ANKRD45: variants seen among roughly 807,000 people sequenced by gnomAD.
ANKRD45 encodes the protein ankyrin repeat domain-containing protein 45.
A neutral mutation model predicts 28.1 loss-of-function variants in ANKRD45; 21 were observed. The observed-to-expected ratio is 0.75, with a 90% confidence interval of 0.53 to 1.08. The LOEUF (loss-of-function observed/expected upper bound fraction) is 1.08, where lower values mean the gene tolerates loss of function less well. Ranked by LOEUF, ANKRD45 falls within the 50% of genes least tolerant of loss-of-function variation. The probability of loss-of-function intolerance (pLI) is 0.00; values close to 1 mark genes in which losing one functional copy is unlikely to be tolerated. For missense variants in ANKRD45, 261 were observed against 308.7 expected (o/e 0.85, Z 1.16); for synonymous variants, 86 against 103.9 (o/e 0.83, Z 1.05).
chr1:173,649,415 G>C (rs1020004447), intron 2 of ANKRD45, among the ~76,000 whole-genome samples: 1 of 152,138 alleles, frequency 6.6e-6, no homozygotes, highest in African/African-American at 2.4e-5. Flanking sequence ...GATGAGTCAT[G>C]GTAGCCCATT....
intron 1 of ANKRD45, among the ~76,000 whole-genome samples, chr1:173,661,209 G>A (rs896460179): frequency 2.3e-4 from 35 of 152,144 alleles, no homozygotes; most frequent in African/African-American, 8.4e-4. Context: ...GAAGGGTAGT[G>A]GGAGAAGACA....
the ANKRD45 span, among the ~76,000 whole-genome samples, chr1:173,675,853 A>G: frequency 6.6e-6 from 1 of 152,314 alleles, no homozygotes; most frequent in South Asian, 2.1e-4. Context: ...TTTATTTTAC[A>G]TAGGCATTTA....
intron 4 of ANKRD45, among the ~76,000 whole-genome samples, 180 bp from the exon 5 acceptor site, chr1:173,625,105 AG>A (rs1667874362): frequency 6.6e-6 from 1 of 152,226 alleles, no homozygotes; most frequent in African/African-American, 2.4e-5. Context: ...AAATGTGGCT[AG>A]GGTGACTAAG....
intron 5 of ANKRD45, among the ~76,000 whole-genome samples, chr1:173,611,989 A>C (rs1667177759): frequency 6.6e-6 from 1 of 152,078 alleles, no homozygotes; most frequent in Non-Finnish European, 1.5e-5. Context: ...CACACCTGTA[A>C]TTCCAGCACT....
chr1:173,667,712 A>G, intron 1 of ANKRD45: 1 of 439,574 alleles, frequency 2.3e-6, no homozygotes, highest in Non-Finnish European at 4.5e-6. Context: ...ATCTTAAAAA[A>G]AAAAAGAAAG....
At chr1:173,688,395 C>CCT in the ANKRD45 span, among the ~76,000 whole-genome samples, 2 of 119,230 alleles carry the variant, frequency 1.7e-5, no homozygotes, top group Non-Finnish European at 3.3e-5. Context: ...TCTGCCTCTT[C>CCT]CTCTCTCTGC....
At chr1:173,706,784 A>C in the ANKRD45 span, among the ~76,000 whole-genome samples, 1 of 152,244 alleles carries the variant, frequency 6.6e-6, no homozygotes, top group African/African-American at 2.4e-5. Flanking sequence ...CTTGTGCATA[A>C]CTTATTTTAT....
chr1:173,690,185 T>G, the ANKRD45 span, among the ~76,000 whole-genome samples: 1 of 151,014 alleles, frequency 6.6e-6, no homozygotes, highest in South Asian at 2.1e-4. Context: ...TTCTACCTCA[T>G]GCTGGAGTCC....
At chr1:173,674,193 T>G (rs910592320), upstream of ANKRD45, among the ~76,000 whole-genome samples, 2 of 152,076 alleles carry the variant, frequency 1.3e-5, no homozygotes, top group African/African-American at 2.4e-5. Context: ...TTTGTATTTT[T>G]TGTAGAGACA....
upstream of ANKRD45, among the ~76,000 whole-genome samples, chr1:173,671,980 T>A (rs1670276966): frequency 1.3e-5 from 2 of 152,068 alleles, no homozygotes. Flanking sequence ...TTACTTCCTT[T>A]CATTCCTGCC....
At chr1:173,637,727 A>G (rs1360882116) in intron 3 of ANKRD45, among the ~76,000 whole-genome samples, 1 of 152,224 alleles carries the variant, frequency 6.6e-6, no homozygotes, top group Non-Finnish European at 1.5e-5. Context: ...CAAGACTGCT[A>G]GCAAGCAGCA....
Position 173,659,363 on chromosome 1 carries a change from T to C in ANKRD45, c.56A>G (p.Glu19Gly). 1 of 1,607,690 alleles carries C rather than the reference T, an allele frequency of 6.2e-7. No homozygotes were observed. Among genetic ancestry groups the C allele is most frequent in the Non-Finnish European group, 8.5e-7 (1 of 1,178,268 alleles). Residue 19 changes from glutamate (E) to glycine (G), a missense_variant, in exon 2 of 6, where the codon GAA (glutamate) becomes GGA (glycine). By Grantham distance (98) the Glu-to-Gly change is moderately conservative. Coordinates refer to ENST00000333279, the MANE Select transcript of ANKRD45 (RefSeq NM_198493.3). ...SESSEFFSQQ[E>G]EENEEEEAQE... ...GGCTTCTTCTTCTTCATTTTCCTCTTCTTGCTGTGAGAAAAATTCTGAACT... is the reference window on the plus strand; with the variant it reads ...GGCTTCTTCTTCTTCATTTTCCTCTCCTTGCTGTGAGAAAAATTCTGAACT...
chr1:173,645,047 T>TG (rs1553268306), intron 3 of ANKRD45, among the ~76,000 whole-genome samples: 6 of 151,848 alleles, frequency 4.0e-5, no homozygotes, highest in Non-Finnish European at 8.8e-5. Flanking sequence ...TTACTATTCA[T>TG]GGGGGGAATC....
the ANKRD45 span, among the ~76,000 whole-genome samples, chr1:173,689,068 T>G: frequency 0.33 from 49,515 of 152,054 alleles, 12,439 homozygotes; most frequent in African/African-American, 0.7. Context: ...TGGGACTCAA[T>G]ATAAAAAAGA....
the ANKRD45 span, among the ~76,000 whole-genome samples, chr1:173,682,684 T>TATACACACAC: frequency 1.3e-3 from 194 of 144,034 alleles, no homozygotes; most frequent in African/African-American, 4.8e-3. Context: ...GCCTTTTAAA[T>TATACACACAC]ACACACACAC....
chr1:173,687,990 T>C, the ANKRD45 span, among the ~76,000 whole-genome samples: 1 of 151,746 alleles, frequency 6.6e-6, no homozygotes, highest in Admixed American at 6.6e-5. Context: ...TTGAATCTTT[T>C]TTTTTTTTTT....
chr1:173,611,638 C>A (rs1438641560), intron 5 of ANKRD45, among the ~76,000 whole-genome samples: 1 of 149,880 alleles, frequency 6.7e-6, no homozygotes, highest in South Asian at 2.1e-4. Flanking sequence ...ATATATATCT[C>A]AAAATACATC....
chr1:173,672,179 CA>C (rs1268314122), upstream of ANKRD45, among the ~76,000 whole-genome samples: 1 of 152,110 alleles, frequency 6.6e-6, no homozygotes. Context: ...TGAATTTTTT[CA>C]AATGTAATTA....
chr1:173,637,644 A>G (rs1160007402), intron 3 of ANKRD45, among the ~76,000 whole-genome samples: 3 of 152,176 alleles, frequency 2.0e-5, no homozygotes, highest in Non-Finnish European at 2.9e-5. Context: ...ATTCCAGCCA[A>G]TGGAAACCGG....
Sources: gnomAD v4.1 joint callset for allele counts (sites outside exome capture counted in the v4.1 genomes callset) on GRCh38, gnomAD v4.1.1 for gene constraint, MANE v1.5 for transcripts, NCBI Gene and HGNC (gene_info 2026-07-23, HGNC 2026-07-21) for gene names.